Variants in MAP1LC3B2 observed in about 807,000 individuals in gnomAD.
MAP1LC3B2 encodes the protein microtubule-associated protein 1 light chain 3 beta 2.
For missense variants in MAP1LC3B2, 155 were observed against 154.6 expected (o/e 1.00, Z -0.01); for synonymous variants, 62 against 57.8 (o/e 1.07, Z -0.33).
At chr12:116,570,235 T>C in intron 1 of MAP1LC3B2, among the ~76,000 whole-genome samples, 1 of 152,212 alleles carries the variant, frequency 6.6e-6, no homozygotes, top group South Asian at 2.1e-4. Flanking sequence ...TTTTCAACTT[T>C]ATGATGGTGC....
chr12:116,571,640 C>T (rs1400880215), intron 1 of MAP1LC3B2, among the ~76,000 whole-genome samples: 1 of 151,438 alleles, frequency 6.6e-6, no homozygotes, highest in Non-Finnish European at 1.5e-5. Flanking sequence ...ACCACCACAC[C>T]CAGCTAATTT....
At chr12:116,560,226 A>ATATATATGTATGTATGTATATG (rs1869231083) in intron 1 of MAP1LC3B2, 1 of 101,134 alleles carries the variant, frequency 9.9e-6, no homozygotes, top group African/African-American at 4.0e-5. Context: ...ATATATATAT[A>ATATATATGTATGTATGTATATG]TATATATATA....
intron 1 of MAP1LC3B2, among the ~76,000 whole-genome samples, chr12:116,569,251 G>T (rs956280068): frequency 2.0e-5 from 3 of 152,076 alleles, no homozygotes; most frequent in Non-Finnish European, 4.4e-5. Flanking sequence ...TAAGACAATT[G>T]CTCACTCACC....
chr12:116,575,884 AC>A lies in MAP1LC3B2; in HGVS notation c.-54del. The A allele has an allele frequency of 6.2e-7, 1 of 1,606,268 alleles. No individual in the cohort carries two copies. The highest frequency in any genetic ancestry group is 1.1e-5 in the South Asian group (1 of 90,808). On this transcript the variant is annotated 5_prime_UTR_variant, in exon 2 of 2. Transcript: ENST00000556529. ...CGGATTCGCTGCCGCAGCAGCCGCC[AC>A]CCCCAGGAGCCGCCGGGACCCTCGC...
At chr12:116,569,595 T>C (rs918615303) in intron 1 of MAP1LC3B2, among the ~76,000 whole-genome samples, 2 of 152,194 alleles carry the variant, frequency 1.3e-5, no homozygotes, top group African/African-American at 4.8e-5. Context: ...TAATATATGC[T>C]AGTTGGAATA....
intron 1 of MAP1LC3B2, chr12:116,560,203 T>TATATAC (rs1869221358): frequency 9.0e-5 from 3 of 33,366 alleles, no homozygotes; most frequent in African/African-American, 2.9e-4. Context: ...TATATATATA[T>TATATAC]ATATATATAT....
intron 1 of MAP1LC3B2, among the ~76,000 whole-genome samples, chr12:116,566,271 T>G (rs1401456104): frequency 6.6e-6 from 1 of 151,720 alleles, no homozygotes; most frequent in African/African-American, 2.4e-5. Context: ...CTACCAGGAG[T>G]TGGAAGCACC....
At chr12:116,569,815 G>T (rs908584430) in intron 1 of MAP1LC3B2, among the ~76,000 whole-genome samples, 11 of 152,158 alleles carry the variant, frequency 7.2e-5, no homozygotes, top group African/African-American at 2.7e-4. Context: ...CAGCACTCTG[G>T]CAGGCCTAGG....
At position 116,576,222 on chromosome 12, in the gene MAP1LC3B2, C is replaced by T; in HGVS notation, c.280C>T (p.Pro94Ser). 6.2e-7 allele frequency: 1 copy of T among 1,614,092 alleles called. No homozygotes were observed. ...ACACAGCATGGTCAGCGTCTCCACA[C>T]CAATCTCAGAGGTGTATGAGAGTGA... ...NGHSMVSVST[P>S]ISEVYESEKD... The change falls in exon 2 of 2, where the codon CCA (proline) becomes TCA (serine). Residue 94 changes from proline (P) to serine (S), a missense_variant. Pro to Ser is a moderately conservative substitution (Grantham distance 74). Transcript: ENST00000556529.
intron 1 of MAP1LC3B2, among the ~76,000 whole-genome samples, chr12:116,572,396 G>A (rs545050026): frequency 7.2e-6 from 1 of 138,088 alleles, no homozygotes; most frequent in South Asian, 2.3e-4. Context: ...ATGGAGTCTC[G>A]CTCTGTCGCC....
intron 1 of MAP1LC3B2, among the ~76,000 whole-genome samples, chr12:116,570,712 C>T (rs1394365569): frequency 6.6e-6 from 1 of 152,152 alleles, no homozygotes; most frequent in Non-Finnish European, 1.5e-5. Context: ...CACGTGGAAC[C>T]TCTTTTCTTT....
intron 1 of MAP1LC3B2, among the ~76,000 whole-genome samples, chr12:116,573,552 C>G (rs1476305590): frequency 1.3e-5 from 2 of 152,020 alleles, no homozygotes; most frequent in African/African-American, 4.8e-5. Context: ...CAGAGTCGCT[C>G]TGTCGCCAGG....
chr12:116,567,041 A>G (rs928466372), intron 1 of MAP1LC3B2, among the ~76,000 whole-genome samples: 2 of 151,100 alleles, frequency 1.3e-5, no homozygotes, highest in Admixed American at 1.3e-4. Context: ...AGCAAGAGAA[A>G]CGGAAAGGAA....
chr12:116,576,171 C>G lies in MAP1LC3B2; in HGVS notation c.229C>G (p.Gln77Glu), dbSNP rs761565483. The G allele has an allele frequency of 6.2e-7, 1 of 1,614,120 alleles. No homozygotes were observed. Among genetic ancestry groups the G allele is most frequent in the Non-Finnish European group, 8.5e-7 (1 of 1,180,002 alleles). ...AAGGCGCTTACAGCTCAATGCTAATCAGGCCTTCTTCCTGTTGGTGAACGG... is the reference window on the plus strand; with the variant it reads ...AAGGCGCTTACAGCTCAATGCTAATGAGGCCTTCTTCCTGTTGGTGAACGG... ...IRRRLQLNAN[Q>E]AFFLLVNGHS... Residue 77 changes from glutamine to glutamate, a missense_variant, in exon 2 of 2, where the codon CAG becomes GAG. Transcript: ENST00000556529.
intron 1 of MAP1LC3B2, among the ~76,000 whole-genome samples, chr12:116,574,202 G>T (rs765088581): frequency 6.6e-6 from 1 of 150,656 alleles, no homozygotes; most frequent in Non-Finnish European, 1.5e-5. Context: ...AGTATACAAA[G>T]ACATAAATCT....
intron 1 of MAP1LC3B2, among the ~76,000 whole-genome samples, chr12:116,561,894 A>T (rs1374739854): frequency 6.6e-6 from 1 of 152,226 alleles, no homozygotes; most frequent in Non-Finnish European, 1.5e-5. Context: ...CAAGTGTAGT[A>T]AGGCTATTGT....
intron 1 of MAP1LC3B2, among the ~76,000 whole-genome samples, chr12:116,569,114 G>A (rs941258013): frequency 3.3e-5 from 5 of 151,824 alleles, no homozygotes; most frequent in Non-Finnish European, 5.9e-5. Context: ...CGCCCACCTC[G>A]GCCTCCCAAA....
rs1566025770 is a variant in MAP1LC3B2, at chr12:116,575,999, T to A, written c.57T>A (p.Asp19Glu). ...GCACCTTCGAACAAAGAGTAGAAGA[T>A]GTCCGACTTATTCGAGAGCAGCATC... is the stretch of plus-strand genomic sequence containing the variant. The part of the protein sequence containing the change: ...QRRTFEQRVE[D>E]VRLIREQHPT... Residue 19 changes from aspartate (D) to glutamate (E), a missense_variant, in exon 2 of 2, where the codon GAT becomes GAA. Physicochemically the swap from Asp to Glu is conservative, Grantham distance 45. Coordinates refer to ENST00000556529, the MANE Select transcript of MAP1LC3B2 (RefSeq NM_001085481.3). 1 of 1,614,192 alleles carries A rather than the reference T, an allele frequency of 6.2e-7. No individual in the cohort carries two copies. The highest frequency in any genetic ancestry group is 1.7e-5 in the Admixed American group (1 of 60,016).
intron 1 of MAP1LC3B2, among the ~76,000 whole-genome samples, chr12:116,568,448 A>G (rs950418607): frequency 1.3e-5 from 2 of 152,238 alleles, no homozygotes; most frequent in African/African-American, 2.4e-5. Context: ...AGCTTAAAAC[A>G]ACATGTACTT....
Sources: allele counts gnomAD v4.1 joint callset (sites outside exome capture counted in the v4.1 genomes callset), GRCh38; gene constraint gnomAD v4.1.1; transcripts MANE v1.5; gene names NCBI Gene and HGNC (gene_info 2026-07-23, HGNC 2026-07-21).